Variants in GLT1D1 observed in about 807,000 individuals in gnomAD.
The protein encoded by GLT1D1 is glycosyltransferase 1 domain-containing protein 1.
GLT1D1 carries 21 observed loss-of-function variants against 28.7 expected under a neutral mutation model. That is an observed-to-expected ratio of 0.73 (90% CI 0.52 to 1.05). The LOEUF (loss-of-function observed/expected upper bound fraction) is 1.05. Ranked by LOEUF, GLT1D1 falls within the 50% of genes least tolerant of loss-of-function variation. The pLI, the probability that GLT1D1 is intolerant of heterozygous loss-of-function variation, is 0.00. For missense variants in GLT1D1, 343 were observed against 330.6 expected (o/e 1.04, Z -0.29); for synonymous variants, 147 against 124.8 (o/e 1.18, Z -1.19).
intron 4 of GLT1D1, among the ~76,000 whole-genome samples, chr12:128,919,659 T>G (rs1464991665): frequency 6.6e-6 from 1 of 152,244 alleles, no homozygotes; most frequent in East Asian, 1.9e-4. Flanking sequence ...TTGTAATTTT[T>G]TCACACGATA....
chr12:128,888,647 A>G lies in GLT1D1; in HGVS notation c.226A>G (p.Ile76Val). The change falls in exon 3 of 8, where the codon ATC becomes GTC. Residue 76 changes from isoleucine to valine, a missense_variant. Transcript: ENST00000281703. ...CTGTCATCGTTTTGCAGGCCACCGA[A>G]TCCCTTTTGGAGTCATCTTTGGTGG... 6.2e-7 allele frequency: 1 copy of G among 1,610,634 alleles called. No homozygotes were observed. The highest frequency in any genetic ancestry group is 8.5e-7 in the Non-Finnish European group (1 of 1,178,024).
intron 4 of GLT1D1, among the ~76,000 whole-genome samples, chr12:128,916,003 C>CCAT (rs758739907): frequency 0.055 from 8,374 of 152,242 alleles, 721 homozygotes; most frequent in African/African-American, 0.19. Flanking sequence ...AAAGTTCTCT[C>CCAT]ATGCCCTCTT....
intron 4 of GLT1D1, among the ~76,000 whole-genome samples, chr12:128,918,327 G>A (rs1317193655): frequency 1.3e-5 from 2 of 152,138 alleles, no homozygotes; most frequent in South Asian, 2.1e-4. Context: ...TAGGGCTGGG[G>A]GCATCAGGAG....
chr12:128,927,302 G>GCA, intron 4 of GLT1D1, 148 bp downstream of exon 8: 13 of 601,004 alleles, frequency 2.2e-5, no homozygotes, highest in South Asian at 6.4e-5. Context: ...GCAGTGGCGT[G>GCA]ATCTCGGCTC....
chr12:128,892,562 G>A (rs1029735576), intron 3 of GLT1D1, among the ~76,000 whole-genome samples: 9 of 152,108 alleles, frequency 5.9e-5, no homozygotes, highest in African/African-American at 2.2e-4. Flanking sequence ...AAGCAAACAC[G>A]GATTTCTATT....
chr12:128,917,617 A>G (rs1264258078), intron 4 of GLT1D1, among the ~76,000 whole-genome samples: 4 of 152,164 alleles, frequency 2.6e-5, no homozygotes, highest in Admixed American at 6.5e-5. Flanking sequence ...AAGATGCAAA[A>G]TCAATTCTCT....
intron 7 of GLT1D1, among the ~76,000 whole-genome samples, chr12:128,981,127 AC>A (rs1402812055): frequency 3.9e-5 from 6 of 152,034 alleles, no homozygotes; most frequent in African/African-American, 1.4e-4. Context: ...TCTTTCTGCC[AC>A]TCATCCAGGG....
rs148419707 is a variant in GLT1D1 at position 128,947,603 on chromosome 12, A to G, written c.540+145A>G. ...CAAGCAGCATACCTGTTGGAGTTCA[A>G]AAGTACTTTTGAAGTTCTATCTGGG... On this transcript the variant is annotated intron_variant, in intron 6 of 7. Coordinates refer to ENST00000281703, the MANE Select transcript of GLT1D1 (RefSeq NM_144669.3). 3.9e-4 allele frequency: 328 copies of G among 842,574 alleles called. 1 individual carries two copies. In the East Asian group the frequency reaches 6.4e-3, roughly 17 times the overall value. The allele number at this position is 842,574 out of a possible 1,614,324, so 52.2% of individuals were successfully genotyped here. A position where few individuals can be genotyped will look rare whatever the true frequency, so the allele number is the denominator to read the frequency against.
chr12:128,965,873 T>A (rs1878408496), intron 7 of GLT1D1, among the ~76,000 whole-genome samples: 2 of 150,328 alleles, frequency 1.3e-5, no homozygotes, highest in Non-Finnish European at 1.5e-5. Context: ...CCACCCTGGA[T>A]AACAGCAAGA....
Position 128,885,138 on chromosome 12 carries a change from A to C in GLT1D1, c.218-3501A>C, listed in dbSNP as rs139279906. On this transcript the variant is annotated intron_variant, in intron 2 of 7. Coordinates refer to ENST00000281703, the MANE Select transcript of GLT1D1 (RefSeq NM_144669.3). ...CACCATATATATATACAATAATAAAAAGAGAGTTTGCAAAAATATTTTATC... is the reference window on the plus strand; with the variant it reads ...CACCATATATATATACAATAATAAACAGAGAGTTTGCAAAAATATTTTATC... 5.4e-4 allele frequency among the ~76,000 whole-genome samples: 82 copies of C among 152,258 alleles called. 1 individual carries two copies. The East Asian group carries it at 0.015, about 28-fold the overall frequency.
intron 2 of GLT1D1, among the ~76,000 whole-genome samples, chr12:128,883,658 C>G (rs951807071): frequency 1.3e-5 from 2 of 151,780 alleles, no homozygotes; most frequent in Middle Eastern, 3.2e-3. Flanking sequence ...TTTTCTCAGC[C>G]GATTACTGGG....
At chr12:128,910,233 C>CT (rs757146880) in intron 4 of GLT1D1, among the ~76,000 whole-genome samples, 4 of 146,398 alleles carry the variant, frequency 2.7e-5, no homozygotes, top group Non-Finnish European at 6.0e-5. Context: ...TCAATTCCTT[C>CT]TGCTGACAGA....
chr12:128,903,971 C>T (rs959186810), intron 4 of GLT1D1, among the ~76,000 whole-genome samples: 2 of 151,752 alleles, frequency 1.3e-5, no homozygotes, highest in African/African-American at 4.9e-5. Flanking sequence ...CCATGTGATC[C>T]GCCCGCCTTG....
chr12:128,944,251 GT>G (rs1235230717), intron 4 of GLT1D1: 2 of 559,626 alleles, frequency 3.6e-6, no homozygotes, highest in African/African-American at 1.9e-5. Context: ...ACTACTAATA[GT>G]TCCACACATT....
rs1158612258 is a variant in GLT1D1 at position 128,874,004 on chromosome 12, C to A, written c.69-1910C>A. On this transcript the variant is annotated intron_variant, in intron 1 of 7. Transcript: ENST00000281703. ...TTCTCCTTCCTTCCTTCCTTCTTCC[C>A]TTCCCTTCCCCTTCCCCTTCCTCCC... Among the ~76,000 whole-genome samples, 12 of 123,118 alleles carry A rather than the reference C, an allele frequency of 9.7e-5. No homozygotes were observed. The East Asian group carries it at 2.7e-3, about 27-fold the overall frequency. 80.8% of individuals were successfully genotyped at this position (123,118 alleles called of 152,430 possible).
intron 4 of GLT1D1, among the ~76,000 whole-genome samples, chr12:128,909,516 A>T (rs1871310192): frequency 6.6e-6 from 1 of 152,316 alleles, no homozygotes; most frequent in South Asian, 2.1e-4. Context: ...GTTTTTACAA[A>T]GCCACAGTCT....
chr12:128,944,495 G>T, intron 4 of GLT1D1: 2 of 1,084,352 alleles, frequency 1.8e-6, no homozygotes, highest in Non-Finnish European at 2.8e-6. Context: ...TCCCCTGTCA[G>T]AGCATCAATG....
Position 128,900,501 on chromosome 12 carries a change from T to C in GLT1D1, c.375+1214T>C, listed in dbSNP as rs190163915. On this transcript the variant is annotated intron_variant, in intron 4 of 7. Transcript: ENST00000281703. ...TTGCACACGCCCTGACGGCCCATAG[T>C]CTTACTCTTTATATCAGACTTTTCC... Among the ~76,000 whole-genome samples the C allele has an allele frequency of 3.9e-5, 6 of 152,308 alleles. No individual in the cohort carries two copies. The East Asian group carries it at 9.6e-4, about 24-fold the overall frequency.
chr12:128,879,206 T>C (rs1471573314), intron 2 of GLT1D1, among the ~76,000 whole-genome samples: 1 of 152,102 alleles, frequency 6.6e-6, no homozygotes, highest in Non-Finnish European at 1.5e-5. Context: ...ATTTGTTACA[T>C]AGGTAAACGT....
Sources: allele counts gnomAD v4.1 joint callset (sites outside exome capture counted in the v4.1 genomes callset), GRCh38; gene constraint gnomAD v4.1.1; transcripts MANE v1.5; gene names NCBI Gene and HGNC (gene_info 2026-07-23, HGNC 2026-07-21).